DOP1A: variants seen among roughly 807,000 people sequenced by gnomAD.
The protein encoded by DOP1A is DOP1 leucine zipper like protein A, also known as protein DOP1A.
A neutral mutation model predicts 267.6 loss-of-function variants in DOP1A; 90 were observed. The observed-to-expected ratio is 0.34, with a 90% CI of 0.28 to 0.40. The LOEUF (loss-of-function observed/expected upper bound fraction) is 0.40. Among genes scored for constraint, DOP1A ranks in the 10% least tolerant of loss-of-function variants. The probability of loss-of-function intolerance (pLI) is 1.00; values close to 1 mark genes in which losing one functional copy is unlikely to be tolerated. For synonymous variants in DOP1A, 932 were observed against 999.1 expected, an observed-to-expected ratio of 0.93 and a Z score of 1.27; for missense variants, 2,437 against 2,900.4, an observed-to-expected ratio of 0.84 and a Z score of 3.67.
chr6:83,151,707 A>G, intron 28 of DOP1A, 48 bp downstream of exon 28: 1 of 1,542,862 alleles, frequency 6.5e-7, no homozygotes, highest in Non-Finnish European at 8.8e-7. Context: ...CAGTGCCCTC[A>G]ATTTGAAAAT....
At position 83,125,668 on chromosome 6, in the gene DOP1A, A is replaced by G. The variant is rs762875982; in HGVS notation, c.1654A>G (p.Thr552Ala). ...TCAGCCTCCACTGTTATCTGCTAGC[A>G]CTGGAGGTGTTTTGCAGTTTCCAAG... Reference protein sequence around the residue: ...KVQPPLLSASTGGVLQFPSGQ... With the variant: ...KVQPPLLSASAGGVLQFPSGQ... Residue 552 changes from threonine (T) to alanine (A), a missense_variant, in exon 15 of 39, where the codon ACT becomes GCT. By Grantham distance (58) the Thr-to-Ala change is moderately conservative (BLOSUM62 0). Around this residue, in one of 9 missense-constraint regions of DOP1A, gnomAD observed 498 missense variants for 513.5 expected, o/e 0.97. Transcript: ENST00000349129. 39 of 1,613,666 alleles carry G rather than the reference A, an allele frequency of 2.4e-5. No individual in the cohort carries two copies. Among genetic ancestry groups the G allele is most frequent in the South Asian group, 4.4e-5 (4 of 91,072 alleles).
downstream of DOP1A, chr6:83,171,342 T>C (rs1048401592): frequency 6.6e-6 from 1 of 152,218 alleles, no homozygotes; most frequent in African/African-American, 2.4e-5. Flanking sequence ...ATAAAATCTC[T>C]TTAAAAAAGT....
chr6:83,105,359 T>TC (rs1241147083), intron 4 of DOP1A, among the ~76,000 whole-genome samples: 7 of 111,070 alleles, frequency 6.3e-5, no homozygotes, highest in African/African-American at 3.0e-4. Flanking sequence ...TGTCTTTCTT[T>TC]TTTTTTTTTT....
At chr6:83,099,201 A>G (rs1383431856) in intron 3 of DOP1A, among the ~76,000 whole-genome samples, 1 of 152,014 alleles carries the variant, frequency 6.6e-6, no homozygotes, top group Non-Finnish European at 1.5e-5. Flanking sequence ...CACTCACAAT[A>G]CCACACCAGG....
intron 3 of DOP1A, among the ~76,000 whole-genome samples, chr6:83,098,746 AATC>A (rs145372683): frequency 0.012 from 1,840 of 152,248 alleles, 25 homozygotes; most frequent in African/African-American, 0.037. Flanking sequence ...GACACTCTCT[AATC>A]ATCCTTTTGG....
chr6:83,137,401 A>T lies in DOP1A; in HGVS notation c.3359A>T (p.Asp1120Val). 6.2e-7 allele frequency: 1 copy of T among 1,613,830 alleles called. No homozygotes were observed. The highest frequency in any genetic ancestry group is 8.5e-7 in the Non-Finnish European group (1 of 1,179,856). Residue 1120 changes from aspartate (D) to valine (V), a missense_variant, in exon 21 of 39, where the codon GAC (aspartate) becomes GTC (valine). Asp to Val is a radical substitution (Grantham distance 152, BLOSUM62 -3). Around this residue, in one of 9 missense-constraint regions of DOP1A, gnomAD observed 878 missense variants for 992.9 expected, o/e 0.88. Transcript: ENST00000349129. Reference protein sequence around the residue: ...DSGCSQSSAGDNLSYEVDPET... With the variant: ...DSGCSQSSAGVNLSYEVDPET... ...GGATGTTCACAGTCCTCTGCTGGGG[A>T]CAACTTGAGTTACGAAGTTGATCCT...
chr6:83,100,272 C>T (rs1051900580), intron 3 of DOP1A, among the ~76,000 whole-genome samples: 1 of 152,046 alleles, frequency 6.6e-6, no homozygotes, highest in Non-Finnish European at 1.5e-5. Flanking sequence ...AATGGTTGTA[C>T]CTCTTCCAAG....
At chr6:83,124,866 G>C in intron 13 of DOP1A, 47 bp downstream of exon 13, 1 of 1,445,906 alleles carries the variant, frequency 6.9e-7, no homozygotes, top group East Asian at 2.3e-5. Context: ...GAATAACGTA[G>C]TTCAAATATT....
chr6:83,080,138 G>C (rs1582855152), intron 1 of DOP1A, among the ~76,000 whole-genome samples: 1 of 151,834 alleles, frequency 6.6e-6, no homozygotes, highest in East Asian at 1.9e-4. Flanking sequence ...TAAAATGTTT[G>C]TTTCATTTCC....
intron 1 of DOP1A, among the ~76,000 whole-genome samples, chr6:83,075,890 G>A (rs1241915165): frequency 6.6e-6 from 1 of 152,124 alleles, no homozygotes; most frequent in East Asian, 1.9e-4. Context: ...AAAGCTCCTA[G>A]AAGAAAACAT....
chr6:83,117,031 G>A (rs964517909), intron 7 of DOP1A, among the ~76,000 whole-genome samples: 1 of 151,982 alleles, frequency 6.6e-6, no homozygotes, highest in Non-Finnish European at 1.5e-5. Context: ...GAGAAAGCTG[G>A]TAGTTAAGCT....
chr6:83,095,735 G>A (rs1020267711), intron 1 of DOP1A, among the ~76,000 whole-genome samples: 4 of 152,098 alleles, frequency 2.6e-5, no homozygotes, highest in South Asian at 2.1e-4. Flanking sequence ...TCCTGGCTTC[G>A]GGTAACTCAT....
intron 3 of DOP1A, among the ~76,000 whole-genome samples, chr6:83,100,466 T>C (rs1772374342): frequency 6.6e-6 from 1 of 152,196 alleles, no homozygotes; most frequent in African/African-American, 2.4e-5. Flanking sequence ...TTGGAAAATA[T>C]CATTTTTCAT....
intron 14 of DOP1A, 63 bp from the exon 15 acceptor site, chr6:83,125,437 T>TA (rs1368015011): frequency 1.6e-5 from 23 of 1,464,720 alleles, no homozygotes; most frequent in Non-Finnish European, 2.1e-5. Flanking sequence ...TTATATAGAT[T>TA]AAAAAATGTA....
chr6:83,119,722 T>C (rs1382209179), intron 8 of DOP1A, 26 bp from the exon 9 acceptor site: 7 of 1,587,652 alleles, frequency 4.4e-6, no homozygotes, highest in Non-Finnish European at 6.0e-6. Flanking sequence ...CCATTTTAAG[T>C]AATTTTGTGA....
intron 18 of DOP1A, among the ~76,000 whole-genome samples, chr6:83,133,650 CTTTT>C (rs201627239): frequency 0.011 from 1,635 of 151,972 alleles, 38 homozygotes; most frequent in African/African-American, 0.036. Context: ...TTATATTAAT[CTTTT>C]TCCAAATAAT....
rs1419442134 is a variant in DOP1A, at chr6:83,138,056, A to C, written c.4014A>C (p.Gly1338=). The C allele has an allele frequency of 6.2e-7, 1 of 1,613,394 alleles. No individual in the cohort carries two copies. The stretch of plus-strand genomic sequence containing the variant: ...ATTTAGAGAACTGGTATAGCTGTGG[A>C]GAGGGAGACATTTCTGAAATTGAGA... ...GLDLENWYSC[G]EGDISEIESD... The change falls in exon 21 of 39, where the codon GGA becomes GGC. Residue 1338 remains glycine, a synonymous_variant. Transcript: ENST00000349129.
At chr6:83,085,784 TTATG>T (rs1769078232) in intron 1 of DOP1A, among the ~76,000 whole-genome samples, 2 of 51,432 alleles carry the variant, frequency 3.9e-5, no homozygotes, top group South Asian at 1.5e-3. Context: ...GTATTTTATG[TTATG>T]TTATGTTATG....
chr6:83,071,769 CTT>C (rs765608793), intron 1 of DOP1A, among the ~76,000 whole-genome samples: 19 of 152,046 alleles, frequency 1.2e-4, no homozygotes, highest in Non-Finnish European at 2.9e-5. Context: ...TCAGATATGT[CTT>C]TATTTTTTCA....
Sources: gnomAD v4.1 joint callset for allele counts (sites outside exome capture counted in the v4.1 genomes callset) on GRCh38, gnomAD v4.1.1 for gene constraint, gnomAD v4.1.1 regional missense constraint, MANE v1.5 for transcripts, NCBI Gene and HGNC (gene_info 2026-07-23, HGNC 2026-07-21) for gene names.